Variants in PARD6G observed in about 807,000 individuals in gnomAD.
PARD6G encodes partitioning defective 6 homolog gamma.
In PARD6G, 7 loss-of-function variants were observed where a neutral mutation model predicts 10.7. That is an observed-to-expected ratio of 0.66 (90% confidence interval 0.37 to 1.23). The LOEUF (loss-of-function observed/expected upper bound fraction) is 1.23, where lower values mean the gene tolerates loss of function less well. Ranked by LOEUF, PARD6G falls within the 50% of genes most tolerant of loss-of-function variation. The pLI is 0.02. For missense variants in PARD6G, 548 were observed against 571.8 expected, an observed-to-expected ratio of 0.96 and a Z score of 0.42; for synonymous variants, 287 against 269.4, an observed-to-expected ratio of 1.07 and a Z score of -0.64.
At chr18:80,216,719 T>G (rs180717595) in intron 1 of PARD6G, among the ~76,000 whole-genome samples, 89 of 152,078 alleles carry the variant, frequency 5.9e-4, no homozygotes, top group African/African-American at 2.0e-3. Context: ...AAAAAGGAAA[T>G]GCAAACTTAA....
chr18:80,177,168 A>ATC (rs1294158554), intron 2 of PARD6G, among the ~76,000 whole-genome samples: 1 of 22,610 alleles, frequency 4.4e-5, no homozygotes, highest in Non-Finnish European at 1.0e-4. Flanking sequence ...CTAAATGGGA[A>ATC]ACACACATAC....
intron 2 of PARD6G, chr18:80,162,617 G>C (rs2052708110): frequency 5.9e-6 from 1 of 169,216 alleles, no homozygotes; most frequent in South Asian, 2.0e-4. Context: ...AGTGGATAAA[G>C]TCCCTGCCCT....
At chr18:80,226,550 G>T (rs1318861691) in intron 1 of PARD6G, among the ~76,000 whole-genome samples, 1 of 152,092 alleles carries the variant, frequency 6.6e-6, no homozygotes, top group Non-Finnish European at 1.5e-5. Flanking sequence ...CTAAACAATG[G>T]TAGCACACTA....
intron 1 of PARD6G, among the ~76,000 whole-genome samples, chr18:80,204,062 C>T (rs1032364671): frequency 6.6e-6 from 1 of 152,122 alleles, no homozygotes; most frequent in Admixed American, 6.5e-5. Context: ...CTCCAGGATA[C>T]CCTCCAAGAG....
In PARD6G at chr18:80,229,543, CAG is replaced by C. The variant is rs1175591684; in HGVS notation, c.72+17732_72+17733del. ...TTGAACCAGAAGCATTCCCTGGAGC[CAG>C]CTGGAAATGCTCTACACCAGACCCG... On this transcript the variant is annotated intron_variant, in intron 1 of 2. Coordinates refer to ENST00000353265, the MANE Select transcript of PARD6G (RefSeq NM_032510.4). 4.6e-5 allele frequency among the ~76,000 whole-genome samples: 7 copies of C among 152,248 alleles called. No individual in the cohort carries two copies. In the South Asian group the frequency reaches 1.2e-3, roughly 27 times the overall value.
Position 80,204,647 on chromosome 18 carries a change from C to A in PARD6G, c.73-1715G>T, listed in dbSNP as rs886999976. Among the ~76,000 whole-genome samples, 21 of 151,592 alleles carry A rather than the reference C, an allele frequency of 1.4e-4. No individual in the cohort carries two copies. The South Asian group carries it at 3.8e-3, about 27-fold the overall frequency. ...ATCTCCAGGGCCTACAACAATGGGA[C>A]AATTCAAAATACTGGCTTGGGGCAG... On this transcript the variant is annotated intron_variant, in intron 1 of 2. Coordinates refer to ENST00000353265, the MANE Select transcript of PARD6G (RefSeq NM_032510.4).
chr18:80,219,129 T>C (rs1243988976), intron 1 of PARD6G, among the ~76,000 whole-genome samples: 1 of 152,252 alleles, frequency 6.6e-6, no homozygotes, highest in Non-Finnish European at 1.5e-5. Flanking sequence ...CCCATTGTCT[T>C]GGTGATTAAC....
chr18:80,199,791 A>G (rs966385759), intron 2 of PARD6G, among the ~76,000 whole-genome samples: 1 of 152,102 alleles, frequency 6.6e-6, no homozygotes, highest in Non-Finnish European at 1.5e-5. Context: ...CTACAGGCAC[A>G]TGCCACTACA....
At position 80,158,168 on chromosome 18, in the gene PARD6G, G is replaced by GT. The variant is rs2052668358; in HGVS notation, c.*1602dup. Reference sequence around the variant, plus strand: ...TCAACATAAAGTGAGGATGAATTTAGTATTTGTTAAAAATCACTAAGTTCC... The same window carrying GT: ...TCAACATAAAGTGAGGATGAATTTAGTTATTTGTTAAAAATCACTAAGTTCC... On this transcript the variant is annotated 3_prime_UTR_variant, in exon 3 of 3. Transcript: ENST00000353265. The GT allele has an allele frequency of 1.3e-5, 2 of 152,172 alleles. No homozygotes were observed. The highest frequency in any genetic ancestry group is 4.8e-5 in the African/African-American group (2 of 41,434). The allele number at this position is 152,172 out of a possible 1,614,324, so 9.4% of individuals were successfully genotyped here.
At chr18:80,240,795 T>G (rs1183682458) in intron 1 of PARD6G, among the ~76,000 whole-genome samples, 1 of 152,138 alleles carries the variant, frequency 6.6e-6, no homozygotes, top group Non-Finnish European at 1.5e-5. Flanking sequence ...CAAGGAGACG[T>G]GAGGCTGTGG....
rs776010825 is a variant in PARD6G, at chr18:80,160,503, G to A, written c.399C>T (p.Asp133=). Residue 133 remains aspartate (D), a synonymous_variant, in exon 3 of 3, where the codon GAC becomes GAT. Coordinates refer to ENST00000353265, the MANE Select transcript of PARD6G (RefSeq NM_032510.4). ...GGCGGAAGTCGCGCGGGAGGCCGAT[G>A]TCCAGGTGTGCACGCCGCCGGGGTC... is the stretch of plus-strand genomic sequence containing the variant. The part of the protein sequence containing the change: ...DEGPRRRAHL[D]IGLPRDFRPV... 4 of 1,541,752 alleles carry A rather than the reference G, an allele frequency of 2.6e-6. No homozygotes were observed. The highest frequency in any genetic ancestry group is 1.3e-5 in the South Asian group (1 of 78,784).
chr18:80,165,209 C>A (rs2052727663), intron 2 of PARD6G, among the ~76,000 whole-genome samples: 1 of 152,140 alleles, frequency 6.6e-6, no homozygotes, highest in South Asian at 2.1e-4. Flanking sequence ...GACAGACATT[C>A]CCAGAGTGGC....
chr18:80,239,143 G>A (rs1249020332), intron 1 of PARD6G, among the ~76,000 whole-genome samples: 1 of 152,144 alleles, frequency 6.6e-6, no homozygotes, highest in Non-Finnish European at 1.5e-5. Context: ...GGGAGAATAA[G>A]GGAGAGGTGG....
chr18:80,243,304 C>T (rs538401114), intron 1 of PARD6G, among the ~76,000 whole-genome samples: 1 of 152,128 alleles, frequency 6.6e-6, no homozygotes, highest in East Asian at 1.9e-4. Context: ...AAAAAACACT[C>T]GCAATACATG....
At position 80,158,484 on chromosome 18, in the gene PARD6G, C is replaced by T. The variant is rs555816929; in HGVS notation, c.*1287G>A. 2 of 152,396 alleles carry T rather than the reference C, an allele frequency of 1.3e-5. No individual in the cohort carries two copies. Among genetic ancestry groups the T allele is most frequent in the African/African-American group, 4.8e-5 (2 of 41,588 alleles). The allele number at this position is 152,396 out of a possible 1,614,324, so 9.4% of individuals were successfully genotyped here. ...CCAAATGGGACTGCTGAGCCCAGTC[C>T]AGCAGAGCTGCTGCTTCCTACCCTG... On this transcript the variant is annotated 3_prime_UTR_variant, in exon 3 of 3. Coordinates refer to ENST00000353265, the MANE Select transcript of PARD6G (RefSeq NM_032510.4).
intron 1 of PARD6G, among the ~76,000 whole-genome samples, chr18:80,242,887 C>T (rs1017250665): frequency 1.2e-4 from 18 of 151,878 alleles, no homozygotes; most frequent in South Asian, 4.2e-4. Context: ...AAATGCCCAG[C>T]GCTAGAAGGA....
chr18:80,211,611 C>T (rs1967108796), intron 1 of PARD6G, among the ~76,000 whole-genome samples: 1 of 152,196 alleles, frequency 6.6e-6, no homozygotes, highest in African/African-American at 2.4e-5. Flanking sequence ...ATTTGTATAT[C>T]CATGTCCATA....
Position 80,247,155 on chromosome 18 carries a change from G to T in PARD6G, c.72+122C>A. ...TCCCGCGGAGCGGCGCGCGGCGCCC[G>T]AACTGGAAAGTTGTCGCCGGCGCCT... On this transcript the variant is annotated intron_variant, in intron 1 of 2. Coordinates refer to ENST00000353265, the MANE Select transcript of PARD6G (RefSeq NM_032510.4). This position sits in a 1 kb window ranked among gnomAD's most constrained non-coding sequence, Gnocchi z 4.2. 1 of 669,192 alleles carries T rather than the reference G, an allele frequency of 1.5e-6. No homozygotes were observed. The highest frequency in any genetic ancestry group is 2.3e-6 in the Non-Finnish European group (1 of 443,978). The allele number at this position is 669,192 out of a possible 1,614,324, so 41.5% of individuals were successfully genotyped here. A position where few individuals can be genotyped will look rare whatever the true frequency, so the allele number is the denominator to read the frequency against.
intron 1 of PARD6G, among the ~76,000 whole-genome samples, chr18:80,203,287 T>A (rs1490345502): frequency 6.6e-6 from 1 of 152,216 alleles, no homozygotes. Context: ...AGGACAAGTA[T>A]TTATTAATTC....
Sources: allele counts gnomAD v4.1 joint callset (sites outside exome capture counted in the v4.1 genomes callset), GRCh38; gene constraint gnomAD v4.1.1; non-coding constraint Gnocchi (gnomAD v3.1); transcripts MANE v1.5; gene names NCBI Gene and HGNC (gene_info 2026-07-23, HGNC 2026-07-21).